The following DNAI7 variants were observed in gnomAD, a reference collection of about 807,000 sequenced individuals.
DNAI7 encodes the protein cancer susceptibility 1.
A neutral mutation model predicts 86.6 loss-of-function variants in DNAI7; 78 were observed. The observed-to-expected ratio is 0.90, with a 90% CI of 0.75 to 1.09. The LOEUF (loss-of-function observed/expected upper bound fraction) is 1.09. Ranked by LOEUF, DNAI7 falls within the 50% of genes least tolerant of loss-of-function variation. The probability of loss-of-function intolerance (pLI) is 0.00; values close to 1 mark genes in which losing one functional copy is unlikely to be tolerated. For synonymous variants in DNAI7, 274 were observed against 273.0 expected (o/e 1.00, Z -0.04); for missense variants, 753 against 810.2 (o/e 0.93, Z 0.86).
At chr12:25,127,608 G>A (rs1419586426) in intron 9 of DNAI7, among the ~76,000 whole-genome samples, 1 of 152,180 alleles carries the variant, frequency 6.6e-6, no homozygotes, top group Non-Finnish European at 1.5e-5. Flanking sequence ...AGAGAAGGTA[G>A]CTAAAGTATA....
Position 25,144,595 on chromosome 12 carries a change from G to A in DNAI7, c.772C>T (p.Leu258Phe). The A allele has an allele frequency of 2.5e-6, 4 of 1,614,036 alleles. No individual in the cohort carries two copies. ...ILATSDIAVRLLHTHYDHVSA... is the reference protein window; with the variant it reads ...ILATSDIAVRFLHTHYDHVSA... ...ACATGATCATAGTGGGTATGCAGGA[G>A]TCGTACAGCAATGTCACTTGTTGCT... The change falls in exon 9 of 16, where the codon CTC becomes TTC. Residue 258 changes from leucine (L) to phenylalanine (F), a missense_variant. Transcript: ENST00000395987.
At chr12:25,193,562 C>T (rs1482166915) in intron 1 of DNAI7, among the ~76,000 whole-genome samples, 1 of 152,168 alleles carries the variant, frequency 6.6e-6, no homozygotes, top group Non-Finnish European at 1.5e-5. Flanking sequence ...ACTTAGGAAA[C>T]TAATACAGTA....
chr12:25,184,932 C>T (rs546449077), intron 2 of DNAI7, among the ~76,000 whole-genome samples: 11 of 149,782 alleles, frequency 7.3e-5, no homozygotes, highest in East Asian at 3.9e-4. Context: ...GAGTTTGAGA[C>T]CACCCTGGAC....
At chr12:25,148,522 G>C (rs1945137712) in intron 7 of DNAI7, among the ~76,000 whole-genome samples, 1 of 152,088 alleles carries the variant, frequency 6.6e-6, no homozygotes, top group African/African-American at 2.4e-5. Context: ...AGCCACTGAG[G>C]ATCCTTATTT....
At position 25,174,407 on chromosome 12, in the gene DNAI7, G is replaced by GATATATATATCATATATATATATCAT. The variant is rs1379019332; in HGVS notation, c.22-13211_22-13210insATGATATATATATATGATATATATAT. ...TATATGGGATATATCATATATATGG[G>GATATATATATCATATATATATATCAT]ATATATGGGATATATATATCATATA... On this transcript the variant is annotated intron_variant, in intron 2 of 15. Transcript: ENST00000395987. 7.0e-3 allele frequency among the ~76,000 whole-genome samples: 2 copies of GATATATATATCATATATATATATCAT among 286 alleles called. 1 individual carries two copies. The highest frequency in any genetic ancestry group is 0.01 in the African/African-American group (2 of 192). The allele number at this position is 286 out of a possible 152,430, so 0.2% of individuals were successfully genotyped here.
intron 2 of DNAI7, among the ~76,000 whole-genome samples, chr12:25,188,728 A>G (rs1015782224): frequency 6.6e-5 from 10 of 151,980 alleles, no homozygotes; most frequent in African/African-American, 2.2e-4. Flanking sequence ...TTTGGTTTCA[A>G]ATTTCATAGG....
chr12:25,114,775 A>T lies in DNAI7; in HGVS notation c.1492T>A (p.Leu498Met), dbSNP rs559808107. The change falls in exon 13 of 16, where the codon TTG becomes ATG. Residue 498 changes from leucine to methionine, a missense_variant. Physicochemically the swap from Leu to Met is conservative, Grantham distance 15. Coordinates refer to ENST00000395987, the MANE Select transcript of DNAI7 (RefSeq NM_018272.5). ...ATGTTAATATGAGCATCTTGAATCA[A>T]GGTAACAGGGCCAAAGGTGTCCAGG... is the stretch of plus-strand genomic sequence containing the variant. Reference protein sequence around the residue: ...FSLDTFGPVTLIQDAHINMPY... With the variant: ...FSLDTFGPVTMIQDAHINMPY... 17 of 1,614,072 alleles carry T rather than the reference A, an allele frequency of 1.1e-5. No homozygotes were observed. In the Admixed American group the frequency reaches 2.7e-4, roughly 25 times the overall value.
intron 9 of DNAI7, among the ~76,000 whole-genome samples, chr12:25,135,247 A>G (rs1294699697): frequency 1.3e-5 from 2 of 152,220 alleles, no homozygotes; most frequent in Middle Eastern, 3.2e-3. Flanking sequence ...AACCTTACCT[A>G]GAACTGAAAT....
intron 14 of DNAI7, among the ~76,000 whole-genome samples, chr12:25,110,442 G>GC (rs1949730085): frequency 2.0e-5 from 3 of 152,072 alleles, no homozygotes; most frequent in Admixed American, 2.0e-4. Flanking sequence ...GACTTGCACG[G>GC]CCCTCTGACA....
chr12:25,194,855 C>T (rs1176933108), intron 1 of DNAI7: 4 of 1,608,290 alleles, frequency 2.5e-6, no homozygotes, highest in Non-Finnish European at 2.6e-6. Context: ...TGACCATCTC[C>T]CGTTTGCAGA....
At chr12:25,155,163 G>C (rs1336466716) in intron 5 of DNAI7, 148 bp downstream of exon 5, 1 of 492,106 alleles carries the variant, frequency 2.0e-6, no homozygotes, top group Non-Finnish European at 3.6e-6. Context: ...AGTTATGTTA[G>C]TTTACTTTGC....
At chr12:25,118,640 C>T (rs1940677986) in intron 12 of DNAI7, among the ~76,000 whole-genome samples, 1 of 152,082 alleles carries the variant, frequency 6.6e-6, no homozygotes, top group Non-Finnish European at 1.5e-5. Flanking sequence ...CAGTTCATGG[C>T]AACCTCCACC....
intron 9 of DNAI7, among the ~76,000 whole-genome samples, chr12:25,136,009 C>T (rs117857623): frequency 1.3e-5 from 2 of 152,320 alleles, no homozygotes; most frequent in Admixed American, 6.5e-5. Context: ...ATCCAGGTTA[C>T]CTTAGGGCAA....
intron 2 of DNAI7, among the ~76,000 whole-genome samples, chr12:25,170,424 T>C (rs919111999): frequency 6.9e-6 from 1 of 145,342 alleles, no homozygotes; most frequent in East Asian, 2.0e-4. Flanking sequence ...AACAGGAAAA[T>C]ATCACAATCC....
intron 2 of DNAI7, among the ~76,000 whole-genome samples, chr12:25,166,430 A>G (rs1260563055): frequency 1.3e-5 from 2 of 152,018 alleles, no homozygotes; most frequent in African/African-American, 4.8e-5. Context: ...TGCACCCTTC[A>G]TCCCAGCCTC....
At chr12:25,116,914 A>G (rs1197759208) in intron 12 of DNAI7, among the ~76,000 whole-genome samples, 1 of 152,166 alleles carries the variant, frequency 6.6e-6, no homozygotes, top group Non-Finnish European at 1.5e-5. Context: ...TTTAATATGT[A>G]AGAATTTACT....
At chr12:25,190,533 T>C (rs1950423959) in intron 2 of DNAI7, 81 bp downstream of exon 2, 1 of 585,500 alleles carries the variant, frequency 1.7e-6, no homozygotes, top group Admixed American at 3.2e-5. Context: ...ACTATAAAAA[T>C]ATTTTATAAT....
At chr12:25,121,649 G>A (rs1373824589) in intron 11 of DNAI7, 104 bp downstream of exon 11, 7 of 887,686 alleles carry the variant, frequency 7.9e-6, no homozygotes, top group Non-Finnish European at 8.5e-6. Flanking sequence ...TTTTTCCTTT[G>A]TGTTTAATAA....
chr12:25,160,634 A>T (rs7298636), intron 3 of DNAI7, among the ~76,000 whole-genome samples: 45,118 of 152,104 alleles, frequency 0.3, 7,390 homozygotes, highest in Non-Finnish European at 0.36. Flanking sequence ...GGCGCCAGGG[A>T]TAAGAACCCC....
Sources: allele counts gnomAD v4.1 joint callset (sites outside exome capture counted in the v4.1 genomes callset), GRCh38; gene constraint gnomAD v4.1.1; transcripts MANE v1.5; gene names NCBI Gene and HGNC (gene_info 2026-07-23, HGNC 2026-07-21).